Variants in SHANK2 observed in about 807,000 individuals in gnomAD.
SHANK2 encodes the protein SH3 and multiple ankyrin repeat domains 2, also known as SH3 and multiple ankyrin repeat domains protein 2.
A neutral mutation model predicts 133.7 loss-of-function variants in SHANK2; 43 were observed. The observed-to-expected ratio is 0.32, with a 90% CI of 0.25 to 0.41. The LOEUF (loss-of-function observed/expected upper bound fraction) is 0.41. SHANK2 is among the 10% of genes least tolerant of loss of function. The probability of loss-of-function intolerance (pLI) is 1.00; values close to 1 mark genes in which losing one functional copy is unlikely to be tolerated. For missense variants in SHANK2, 1,994 were observed against 2,235.8 expected (o/e 0.89, Z 2.18); for synonymous variants, 1,017 against 952.8 (o/e 1.07, Z -1.24).
At chr11:71,208,603 T>C (rs538326565) in intron 2 of SHANK2, among the ~76,000 whole-genome samples, 4 of 151,704 alleles carry the variant, frequency 2.6e-5, no homozygotes, top group Non-Finnish European at 5.9e-5. Flanking sequence ...GCTCCCAGGA[T>C]AGAGTGGCTG....
chr11:70,724,770 C>T (rs1288580174), intron 14 of SHANK2, among the ~76,000 whole-genome samples: 1 of 152,186 alleles, frequency 6.6e-6, no homozygotes, highest in African/African-American at 2.4e-5. Flanking sequence ...AGCAGGAAGA[C>T]GCTAACTCTG....
chr11:70,550,848 C>T (rs1411619146), intron 17 of SHANK2, among the ~76,000 whole-genome samples: 10 of 152,216 alleles, frequency 6.6e-5, no homozygotes, highest in African/African-American at 2.2e-4. Context: ...GTGAGTCCAG[C>T]CTCAGGGCCT....
intron 14 of SHANK2, among the ~76,000 whole-genome samples, chr11:70,700,476 C>T (rs1295451324): frequency 6.6e-6 from 1 of 152,170 alleles, no homozygotes. Context: ...ACGCATTGCA[C>T]GATTACCAGA....
At chr11:70,905,471 C>A (rs554043612) in intron 10 of SHANK2, among the ~76,000 whole-genome samples, 1 of 152,124 alleles carries the variant, frequency 6.6e-6, no homozygotes. Flanking sequence ...AGTGGCCGTG[C>A]GGATTTCTGC....
chr11:71,116,502 T>C (rs1406397481), intron 4 of SHANK2, among the ~76,000 whole-genome samples: 1 of 152,262 alleles, frequency 6.6e-6, no homozygotes, highest in Non-Finnish European at 1.5e-5. Context: ...CAGCCACTTC[T>C]GGAGGGAGGC....
intron 2 of SHANK2, among the ~76,000 whole-genome samples, chr11:71,189,639 A>G (rs7940466): frequency 0.067 from 10,148 of 152,246 alleles, 934 homozygotes; most frequent in African/African-American, 0.21. Context: ...GGCTCAAGCA[A>G]TTCGCCCGCG....
In SHANK2 at chr11:70,830,654, A is replaced by T. The variant is rs1948713301; in HGVS notation, c.1175-9972T>A. ...TTGAGATGAAAATTAAGACAAAGAT[A>T]AAAGATGAAACTTAAAAACCCATTT... On this transcript the variant is annotated intron_variant, in intron 11 of 25. Transcript: ENST00000601538. This position sits in a 1 kb window ranked among gnomAD's most constrained non-coding sequence, Gnocchi z 4.4. Among the ~76,000 whole-genome samples the T allele has an allele frequency of 6.6e-6, 1 of 152,226 alleles. No homozygotes were observed. The highest frequency in any genetic ancestry group is 2.1e-4 in the South Asian group (1 of 4,834).
intron 11 of SHANK2, chr11:70,863,500 C>G (rs1555068342): frequency 6.6e-6 from 3 of 457,862 alleles, no homozygotes; most frequent in Admixed American, 2.3e-5. Context: ...TTTTCCTTAT[C>G]TCTAGGACTC....
At chr11:70,661,716 A>G (rs782133746) in intron 15 of SHANK2, 38 bp from the exon 16 acceptor site, 3 of 1,614,118 alleles carry the variant, frequency 1.9e-6, no homozygotes, top group East Asian at 2.2e-5. Context: ...CCATTATTGT[A>G]GCCCGTCATC....
intron 6 of SHANK2, among the ~76,000 whole-genome samples, chr11:71,099,998 A>G (rs950746268): frequency 5.9e-5 from 9 of 151,562 alleles, no homozygotes; most frequent in Admixed American, 5.3e-4. Flanking sequence ...GCAGTGAACC[A>G]TGATCACACC....
chr11:71,057,166 C>T (rs1950931032), intron 9 of SHANK2, among the ~76,000 whole-genome samples: 1 of 152,126 alleles, frequency 6.6e-6, no homozygotes, highest in South Asian at 2.1e-4. Context: ...GAAACCCCAT[C>T]TCTACAAAAA....
chr11:70,471,131 CT>C lies in SHANK2; in HGVS notation c.*1737del, dbSNP rs552058932. On this transcript the variant is annotated 3_prime_UTR_variant, in exon 26 of 26. Coordinates refer to ENST00000601538, the MANE Select transcript of SHANK2 (RefSeq NM_012309.5). The surrounding 1 kb of genome is among the most constrained non-coding windows in gnomAD (Gnocchi z 4.1). ...CAAAGGCTGCCTAGTAGACCAGCCACTTTTTTTTCTTAAAATATTGTGCTTA... is the reference window on the plus strand; with the variant it reads ...CAAAGGCTGCCTAGTAGACCAGCCACTTTTTTTCTTAAAATATTGTGCTTA... The C allele has an allele frequency of 3.5e-5, 14 of 396,848 alleles. No individual in the cohort carries two copies. The highest frequency in any genetic ancestry group is 1.3e-4 in the Admixed American group (3 of 22,654). 24.6% of individuals were successfully genotyped at this position (396,848 alleles called of 1,614,324 possible).
Position 71,252,031 on chromosome 11 carries a change from G to T in SHANK2, c.-113+394C>A, listed in dbSNP as rs1555125930. Among the ~76,000 whole-genome samples, 1 of 152,096 alleles carries T rather than the reference G, an allele frequency of 6.6e-6. No individual in the cohort carries two copies. The highest frequency in any genetic ancestry group is 2.4e-5 in the African/African-American group (1 of 41,434). On this transcript the variant is annotated intron_variant, in intron 1 of 25. Coordinates refer to ENST00000601538, the MANE Select transcript of SHANK2 (RefSeq NM_012309.5). This position sits in a 1 kb window ranked among gnomAD's most constrained non-coding sequence, Gnocchi z 6.3. ...GGGGCAAGGAGACCCCGGGAGAGCG[G>T]GGGAGGTCGCGCCACACGCGCTGTT...
intron 2 of SHANK2, among the ~76,000 whole-genome samples, chr11:71,152,783 C>A (rs1209439233): frequency 2.0e-5 from 3 of 152,138 alleles, no homozygotes; most frequent in Admixed American, 6.5e-5. Flanking sequence ...GAGCTCATGG[C>A]CAGAGATCTG....
In SHANK2 at chr11:70,471,298, G is replaced by A. The variant is rs566881904; in HGVS notation, c.*1571C>T. On this transcript the variant is annotated 3_prime_UTR_variant, in exon 26 of 26. Transcript: ENST00000601538. The surrounding 1 kb of genome is among the most constrained non-coding windows in gnomAD (Gnocchi z 4.1). Reference sequence around the variant, plus strand: ...AAAACAAAACCATGTTTTATAATTAGAGATGGGCTGAGCTAGTTCTGAAAT... The same window carrying A: ...AAAACAAAACCATGTTTTATAATTAAAGATGGGCTGAGCTAGTTCTGAAAT... 2.5e-6 allele frequency: 1 copy of A among 398,446 alleles called. No individual in the cohort carries two copies. The highest frequency in any genetic ancestry group is 4.4e-5 in the Admixed American group (1 of 22,696). 24.7% of individuals were successfully genotyped at this position (398,446 alleles called of 1,614,324 possible). A position where few individuals can be genotyped will look rare whatever the true frequency, so the allele number is the denominator to read the frequency against.
rs574542818 is a variant in SHANK2, at chr11:70,904,757, G to A, written c.1108-8190C>T. Reference sequence around the variant, plus strand: ...TCCTGACCTCAAGTAATCTGCCCACGTCAGCCTCCCAAAGTGCTGGGAGTA... The same window carrying A: ...TCCTGACCTCAAGTAATCTGCCCACATCAGCCTCCCAAAGTGCTGGGAGTA... On this transcript the variant is annotated intron_variant, in intron 10 of 25. Coordinates refer to ENST00000601538, the MANE Select transcript of SHANK2 (RefSeq NM_012309.5). 6.6e-5 allele frequency among the ~76,000 whole-genome samples: 10 copies of A among 152,156 alleles called. No homozygotes were observed. In the South Asian group the frequency reaches 1.2e-3, roughly 19 times the overall value.
At chr11:71,165,073 GC>G (rs1276387014) in intron 2 of SHANK2, among the ~76,000 whole-genome samples, 1 of 144,130 alleles carries the variant, frequency 6.9e-6, no homozygotes, top group Non-Finnish European at 1.5e-5. Flanking sequence ...TCACTGTGTT[GC>G]CCAGGCTGGA....
chr11:70,478,133 G>A (rs1260834367), intron 25 of SHANK2, among the ~76,000 whole-genome samples: 1 of 151,604 alleles, frequency 6.6e-6, no homozygotes, highest in African/African-American at 2.4e-5. Flanking sequence ...GGTGAGGTAA[G>A]TAAAGAAGCA....
At chr11:70,483,536 CAAA>C (rs10590898) in intron 25 of SHANK2, among the ~76,000 whole-genome samples, 63 of 44,530 alleles carry the variant, frequency 1.4e-3, no homozygotes, top group Non-Finnish European at 1.7e-3. Flanking sequence ...TCATCTCTAC[CAAA>C]AAAAAAAAAA....
Sources: gnomAD v4.1 joint callset for allele counts (sites outside exome capture counted in the v4.1 genomes callset) on GRCh38, gnomAD v4.1.1 for gene constraint, Gnocchi (gnomAD v3.1) non-coding constraint, MANE v1.5 for transcripts, NCBI Gene and HGNC (gene_info 2026-07-23, HGNC 2026-07-21) for gene names.